Variants in ATP10B observed in about 807,000 individuals in gnomAD.
ATP10B encodes the protein ATPase phospholipid transporting 10B (putative).
In ATP10B, 122 loss-of-function variants were observed where a neutral mutation model predicts 141.2. The ratio of observed to expected loss-of-function variants is 0.86; its 90% CI spans 0.75 to 1.00. ATP10B has a LOEUF of 1.00. ATP10B is among the 50% of genes least tolerant of loss of function. The pLI is 0.00. For missense variants in ATP10B, 1,876 were observed against 1,825.3 expected (o/e 1.03, Z -0.51); for synonymous variants, 685 against 692.0 (o/e 0.99, Z 0.16).
chr5:160,652,444 T>C (rs1760815007), intron 7 of ATP10B, among the ~76,000 whole-genome samples: 1 of 119,766 alleles, frequency 8.3e-6, no homozygotes, highest in Admixed American at 7.9e-5. Context: ...TTTATTTATT[T>C]ATTTATTTAT....
At chr5:160,619,007 G>T (rs550890119) in intron 15 of ATP10B, among the ~76,000 whole-genome samples, 1 of 152,068 alleles carries the variant, frequency 6.6e-6, no homozygotes, top group Non-Finnish European at 1.5e-5. Context: ...CTACTCCAAG[G>T]CTGTTTTTAT....
At chr5:160,731,708 A>T (rs1285970244) in intron 2 of ATP10B, among the ~76,000 whole-genome samples, 2 of 152,220 alleles carry the variant, frequency 1.3e-5, no homozygotes, top group Non-Finnish European at 2.9e-5. Flanking sequence ...GATACTCACT[A>T]TAGAAAGAAG....
intron 1 of ATP10B, among the ~76,000 whole-genome samples, chr5:160,838,979 C>T (rs1457223646): frequency 6.6e-6 from 1 of 152,166 alleles, no homozygotes; most frequent in Non-Finnish European, 1.5e-5. Flanking sequence ...TGCTCCCACT[C>T]TTGCCATGTG....
At chr5:160,808,801 C>T (rs969330800) in intron 1 of ATP10B, among the ~76,000 whole-genome samples, 3 of 152,150 alleles carry the variant, frequency 2.0e-5, no homozygotes, top group African/African-American at 7.2e-5. Context: ...GCTGCCATAA[C>T]AAAGTGCCCC....
chr5:160,750,633 ACT>A (rs1324794067), intron 2 of ATP10B, among the ~76,000 whole-genome samples: 1 of 151,718 alleles, frequency 6.6e-6, no homozygotes, highest in Admixed American at 6.6e-5. Flanking sequence ...ACCATCCTCC[ACT>A]CTGCTGCAGG....
chr5:160,707,458 A>G (rs1286244394), intron 3 of ATP10B, among the ~76,000 whole-genome samples: 1 of 152,080 alleles, frequency 6.6e-6, no homozygotes, highest in African/African-American at 2.4e-5. Context: ...TGCTGAAGGG[A>G]CTCTCTGGTT....
intron 1 of ATP10B, among the ~76,000 whole-genome samples, chr5:160,813,573 C>T (rs912404230): frequency 2.0e-5 from 3 of 152,210 alleles, no homozygotes; most frequent in East Asian, 1.9e-4. Flanking sequence ...CATAGCCAAA[C>T]AAAAGGCAGC....
At chr5:160,815,197 G>A (rs1197541347) in intron 1 of ATP10B, among the ~76,000 whole-genome samples, 1 of 152,100 alleles carries the variant, frequency 6.6e-6, no homozygotes, top group East Asian at 1.9e-4. Context: ...CTGGCAAATT[G>A]GATAAAGAGT....
intron 1 of ATP10B, among the ~76,000 whole-genome samples, chr5:160,817,569 T>C (rs867420210): frequency 2.0e-5 from 3 of 152,092 alleles, no homozygotes; most frequent in Non-Finnish European, 4.4e-5. Flanking sequence ...AATGGCCATA[T>C]TGCCCAAGGT....
the ATP10B span, among the ~76,000 whole-genome samples, chr5:160,873,686 G>A: frequency 5.3e-5 from 8 of 152,278 alleles, no homozygotes; most frequent in South Asian, 4.1e-4. Context: ...CGCACTGTGC[G>A]CGAGCCAAAG....
intron 7 of ATP10B, among the ~76,000 whole-genome samples, chr5:160,660,369 G>A (rs999767278): frequency 1.3e-5 from 2 of 152,170 alleles, no homozygotes; most frequent in Non-Finnish European, 2.9e-5. Context: ...CCACTGGCTA[G>A]AGATGGGGCA....
chr5:160,608,591 G>A (rs972533722), intron 18 of ATP10B, among the ~76,000 whole-genome samples: 3 of 152,102 alleles, frequency 2.0e-5, no homozygotes. Context: ...TCTAGCACCT[G>A]TTGTTTCCTG....
intron 1 of ATP10B, among the ~76,000 whole-genome samples, chr5:160,807,728 A>G (rs180741523): frequency 1.3e-5 from 2 of 152,334 alleles, no homozygotes; most frequent in East Asian, 3.9e-4. Context: ...CATACAATAT[A>G]TAATATTCTA....
the ATP10B span, among the ~76,000 whole-genome samples, chr5:160,867,228 A>G: frequency 6.6e-6 from 1 of 152,026 alleles, no homozygotes; most frequent in African/African-American, 2.4e-5. Context: ...ATACAAAAGT[A>G]TCTACAGAGC....
At chr5:160,818,809 C>T (rs1773883335) in intron 1 of ATP10B, among the ~76,000 whole-genome samples, 1 of 152,154 alleles carries the variant, frequency 6.6e-6, no homozygotes, top group African/African-American at 2.4e-5. Context: ...CCATGGAATA[C>T]TATGCAGCCA....
At chr5:160,898,435 C>G in the ATP10B span, among the ~76,000 whole-genome samples, 11 of 152,088 alleles carry the variant, frequency 7.2e-5, no homozygotes, top group African/African-American at 2.7e-4. Flanking sequence ...CAAATCAAAA[C>G]CACAATGAGA....
intron 21 of ATP10B, among the ~76,000 whole-genome samples, chr5:160,599,634 T>C (rs1310444890): frequency 6.6e-6 from 1 of 152,202 alleles, no homozygotes; most frequent in African/African-American, 2.4e-5. Flanking sequence ...GACGGTGACC[T>C]CGTGAGAAGG....
the ATP10B span, among the ~76,000 whole-genome samples, chr5:160,912,414 C>CAAAAA: frequency 2.0e-4 from 18 of 88,908 alleles, 1 homozygote; most frequent in African/African-American, 6.4e-4. Flanking sequence ...CTGTTTCTAC[C>CAAAAA]AAAAAAAAAA....
chr5:160,608,269 T>G (rs1294024030), intron 18 of ATP10B, among the ~76,000 whole-genome samples: 1 of 152,266 alleles, frequency 6.6e-6, no homozygotes, highest in Non-Finnish European at 1.5e-5. Context: ...TCATCTGTTT[T>G]TATGGCTGCA....
Sources: gnomAD v4.1 joint callset for allele counts (sites outside exome capture counted in the v4.1 genomes callset) on GRCh38, gnomAD v4.1.1 for gene constraint, MANE v1.5 for transcripts, NCBI Gene and HGNC (gene_info 2026-07-23, HGNC 2026-07-21) for gene names.